Variants in AIG1 observed in about 807,000 individuals in gnomAD.
AIG1 encodes the protein androgen-induced gene 1 protein.
AIG1 carries 23 observed loss-of-function variants against 31.4 expected under a neutral mutation model. That is an observed-to-expected ratio of 0.73 (90% CI 0.53 to 1.04). The LOEUF is 1.04. Among genes scored for constraint, AIG1 ranks in the 50% least tolerant of loss-of-function variants. The probability of loss-of-function intolerance (pLI) is 0.00; values close to 1 mark genes in which losing one functional copy is unlikely to be tolerated. For missense variants in AIG1, 274 were observed against 295.0 expected, an observed-to-expected ratio of 0.93 and a Z score of 0.52; for synonymous variants, 100 against 110.5, an observed-to-expected ratio of 0.90 and a Z score of 0.60.
chr6:143,301,897 G>T (rs1798850429), intron 4 of AIG1, among the ~76,000 whole-genome samples: 1 of 152,124 alleles, frequency 6.6e-6, no homozygotes, highest in South Asian at 2.1e-4. Flanking sequence ...CTGGTCTCTG[G>T]GTGTGACAAC....
At chr6:143,129,858 C>A (rs1411449628) in intron 1 of AIG1, among the ~76,000 whole-genome samples, 1 of 150,308 alleles carries the variant, frequency 6.7e-6, no homozygotes, top group African/African-American at 2.4e-5. Flanking sequence ...ATCATTATTT[C>A]TTCCTGATTA....
At chr6:143,300,050 A>G (rs1233210317) in intron 4 of AIG1, among the ~76,000 whole-genome samples, 2 of 152,182 alleles carry the variant, frequency 1.3e-5, no homozygotes, top group Non-Finnish European at 2.9e-5. Context: ...GATGAGCCCC[A>G]TGTCTGGCAT....
chr6:143,224,380 G>A lies in AIG1; in HGVS notation c.399+59197G>A, dbSNP rs192324494. Among the ~76,000 whole-genome samples the A allele has an allele frequency of 2.2e-3, 330 of 152,254 alleles. 1 individual carries two copies. The Middle Eastern group carries it at 0.031, about 14-fold the overall frequency. Reference sequence around the variant, plus strand: ...GAATAGTAGGAGGTTCTGGGGTTTGGAACTATGTGGGTCTGGATTCAAATC... The same window carrying A: ...GAATAGTAGGAGGTTCTGGGGTTTGAAACTATGTGGGTCTGGATTCAAATC... On this transcript the variant is annotated intron_variant, in intron 3 of 5. Coordinates refer to ENST00000357847, the MANE Select transcript of AIG1 (RefSeq NM_016108.4).
chr6:143,193,245 A>C (rs1383584510), intron 3 of AIG1, among the ~76,000 whole-genome samples: 1 of 152,232 alleles, frequency 6.6e-6, no homozygotes, highest in East Asian at 1.9e-4. Context: ...CCTTTCTGTT[A>C]ATAAGAGCTG....
rs1033290879 is a variant in AIG1 at position 143,305,690 on chromosome 6, A to G, written c.515+21465A>G. Among the ~76,000 whole-genome samples, 3 of 152,130 alleles carry G rather than the reference A, an allele frequency of 2.0e-5. No homozygotes were observed. In the East Asian group the frequency reaches 5.8e-4, roughly 29 times the overall value. ...TAGGTGTGGTGCGGTGCTGAAAAAA[A>G]TGTATATTCTGTTGATTTGGGGTGA... is the stretch of plus-strand genomic sequence containing the variant. On this transcript the variant is annotated intron_variant, in intron 4 of 5. Coordinates refer to ENST00000357847, the MANE Select transcript of AIG1 (RefSeq NM_016108.4).
intron 3 of AIG1, among the ~76,000 whole-genome samples, chr6:143,243,380 C>T (rs940479645): frequency 4.6e-5 from 7 of 152,288 alleles, no homozygotes; most frequent in Admixed American, 3.3e-4. Flanking sequence ...ATGAAAATAA[C>T]ACTAATAGAA....
intron 4 of AIG1, among the ~76,000 whole-genome samples, chr6:143,300,528 A>G (rs1221701051): frequency 1.3e-5 from 2 of 152,216 alleles, no homozygotes; most frequent in African/African-American, 4.8e-5. Context: ...AACCCCTGAT[A>G]GACATCAGAA....
At chr6:143,108,339 A>G (rs3789783) in intron 1 of AIG1, among the ~76,000 whole-genome samples, 41,274 of 152,168 alleles carry the variant, frequency 0.27, 10,495 homozygotes, top group African/African-American at 0.64. Flanking sequence ...ATGTAAGACA[A>G]TATCTTGAGA....
At chr6:143,217,938 A>G (rs894266878) in intron 3 of AIG1, among the ~76,000 whole-genome samples, 3 of 152,212 alleles carry the variant, frequency 2.0e-5, no homozygotes, top group Admixed American at 1.3e-4. Flanking sequence ...ATTGATTTAC[A>G]ATGCCCCATG....
chr6:143,136,713 T>G, intron 1 of AIG1, 122 bp from the exon 2 acceptor site: 1 of 986,268 alleles, frequency 1.0e-6, no homozygotes, highest in Non-Finnish European at 1.4e-6. Flanking sequence ...GAGCAGCTCT[T>G]TAAAATATGC....
At chr6:143,109,690 G>A (rs929205831) in intron 1 of AIG1, among the ~76,000 whole-genome samples, 3 of 151,832 alleles carry the variant, frequency 2.0e-5, no homozygotes, top group Admixed American at 6.6e-5. Flanking sequence ...TTTTAATGAC[G>A]TGTGTGTTAA....
chr6:143,286,590 G>A (rs928621369), intron 4 of AIG1, among the ~76,000 whole-genome samples: 4 of 152,010 alleles, frequency 2.6e-5, no homozygotes, highest in Non-Finnish European at 4.4e-5. Flanking sequence ...TGTTAGGGCC[G>A]ACATACCCGT....
chr6:143,223,744 G>A (rs1054238975), intron 3 of AIG1, among the ~76,000 whole-genome samples: 16 of 152,094 alleles, frequency 1.1e-4, no homozygotes, highest in Non-Finnish European at 2.4e-4. Flanking sequence ...CCTCTATGAT[G>A]AAAAGGTGGA....
intron 3 of AIG1, among the ~76,000 whole-genome samples, chr6:143,202,073 C>T (rs1249127065): frequency 6.6e-6 from 1 of 152,114 alleles, no homozygotes; most frequent in East Asian, 1.9e-4. Flanking sequence ...AATTTAAATC[C>T]AGGCTATTCA....
At chr6:143,295,266 T>C (rs566756692) in intron 4 of AIG1, among the ~76,000 whole-genome samples, 5 of 152,216 alleles carry the variant, frequency 3.3e-5, no homozygotes, top group South Asian at 2.1e-4. Flanking sequence ...GGTCCAAGCC[T>C]CAGTTATCTC....
chr6:143,061,117 C>CGTGTGTGTGTGT (rs138059311), intron 1 of AIG1, 51 bp downstream of exon 1: 3 of 1,410,364 alleles, frequency 2.1e-6, no homozygotes, highest in Non-Finnish European at 2.9e-6. Flanking sequence ...CCTGTGTGTG[C>CGTGTGTGTGTGT]GTGTGTGTGT....
rs1777823088 is a variant in AIG1, at chr6:143,340,683, C to A, written c.*1007C>A. Among the ~76,000 whole-genome samples the A allele has an allele frequency of 3.3e-5, 5 of 152,014 alleles. No individual in the cohort carries two copies. In the South Asian group the frequency reaches 1.0e-3, roughly 32 times the overall value. On this transcript the variant is annotated 3_prime_UTR_variant, in exon 6 of 6. Coordinates refer to ENST00000357847, the MANE Select transcript of AIG1 (RefSeq NM_016108.4). ...TTCACCTTGTTAGCCAGGATGGTCT[C>A]GATCTCCTGACCTTGTGATCCACAC...
intron 3 of AIG1, among the ~76,000 whole-genome samples, chr6:143,185,776 A>G (rs538777049): frequency 7.2e-5 from 11 of 152,276 alleles, no homozygotes; most frequent in African/African-American, 2.4e-5. Flanking sequence ...GAAAGAATGC[A>G]TGAATGAATG....
intron 3 of AIG1, among the ~76,000 whole-genome samples, chr6:143,176,009 T>C (rs922205567): frequency 2.6e-5 from 4 of 152,218 alleles, no homozygotes; most frequent in Non-Finnish European, 5.9e-5. Flanking sequence ...TCCCGTGATG[T>C]GGTGCTGTAC....
Sources: allele counts gnomAD v4.1 joint callset (sites outside exome capture counted in the v4.1 genomes callset), GRCh38; gene constraint gnomAD v4.1.1; transcripts MANE v1.5; gene names NCBI Gene and HGNC (gene_info 2026-07-23, HGNC 2026-07-21).